Variants in FMN1 observed in about 807,000 individuals in gnomAD.
FMN1 encodes the protein formin-1.
FMN1 carries 110 observed loss-of-function variants against 132.4 expected under a neutral mutation model. That is an observed-to-expected ratio of 0.83 (90% CI 0.71 to 0.97). FMN1 has a LOEUF of 0.97. Among genes scored for constraint, FMN1 ranks in the 50% least tolerant of loss-of-function variants. FMN1 has a pLI of 0.00. For synonymous variants in FMN1, 722 were observed against 651.7 expected, an observed-to-expected ratio of 1.11 and a Z score of -1.64; for missense variants, 1,792 against 1,705.3, an observed-to-expected ratio of 1.05 and a Z score of -0.90.
intron 2 of FMN1, among the ~76,000 whole-genome samples, chr15:33,190,986 C>T (rs550722316): frequency 5.1e-4 from 77 of 152,210 alleles, no homozygotes; most frequent in African/African-American, 1.6e-3. Flanking sequence ...CTGGCTAACA[C>T]GGTGAAACCC....
intron 4 of FMN1, among the ~76,000 whole-genome samples, chr15:33,135,130 C>CT (rs1387798510): frequency 6.6e-6 from 1 of 152,126 alleles, no homozygotes; most frequent in African/African-American, 2.4e-5. Flanking sequence ...CAAAGCCCCG[C>CT]TTTTTTTGGT....
chr15:32,992,069 T>C (rs1340885116), intron 7 of FMN1, among the ~76,000 whole-genome samples: 2 of 152,152 alleles, frequency 1.3e-5, no homozygotes, highest in South Asian at 2.1e-4. Context: ...AAAACAACAT[T>C]GGATTTGATT....
chr15:33,178,473 TAG>T (rs1965590362), intron 3 of FMN1, among the ~76,000 whole-genome samples: 2 of 152,228 alleles, frequency 1.3e-5, no homozygotes, highest in Non-Finnish European at 2.9e-5. Context: ...CTACCTCTGT[TAG>T]ATTGTTTTGT....
intron 8 of FMN1, among the ~76,000 whole-genome samples, chr15:32,965,986 C>CG (rs1406615530): frequency 6.6e-6 from 1 of 151,864 alleles, no homozygotes; most frequent in Non-Finnish European, 1.5e-5. Flanking sequence ...CTGGGGGAGA[C>CG]GGGGGAGAAG....
chr15:33,006,997 T>TA (rs1269684771), intron 7 of FMN1, among the ~76,000 whole-genome samples: 4 of 152,150 alleles, frequency 2.6e-5, no homozygotes, highest in Non-Finnish European at 5.9e-5. Flanking sequence ...ACATGGTGAC[T>TA]ATAGTTCATA....
chr15:32,791,434 G>A (rs2057073809), intron 19 of FMN1, among the ~76,000 whole-genome samples: 1 of 151,704 alleles, frequency 6.6e-6, no homozygotes. Context: ...TACCATCCAT[G>A]GCTAATTATC....
chr15:32,901,606 C>T (rs914089667), intron 13 of FMN1, among the ~76,000 whole-genome samples: 1 of 152,084 alleles, frequency 6.6e-6, no homozygotes, highest in Admixed American at 6.5e-5. Context: ...AGAAACAGAC[C>T]ATGCTATTTA....
intron 4 of FMN1, among the ~76,000 whole-genome samples, chr15:33,135,587 A>C (rs1218553021): frequency 6.6e-6 from 1 of 152,206 alleles, no homozygotes; most frequent in East Asian, 1.9e-4. Flanking sequence ...CAGTTCCCTC[A>C]GGAACAAGGA....
intron 9 of FMN1, among the ~76,000 whole-genome samples, chr15:32,928,870 A>G (rs187798702): frequency 6.0e-4 from 91 of 152,332 alleles, no homozygotes; most frequent in African/African-American, 2.1e-3. Flanking sequence ...ACAAATGCAC[A>G]TTTCTCTGTT....
intron 3 of FMN1, among the ~76,000 whole-genome samples, chr15:33,162,110 C>T (rs1319385855): frequency 6.6e-6 from 1 of 152,018 alleles, no homozygotes; most frequent in Non-Finnish European, 1.5e-5. Context: ...CTTCTGGGCC[C>T]AGGCAATTCT....
intron 17 of FMN1, among the ~76,000 whole-genome samples, chr15:32,849,181 CG>C (rs2058942715): frequency 6.7e-6 from 1 of 148,472 alleles, no homozygotes; most frequent in Admixed American, 6.7e-5. Flanking sequence ...TTAGTAGACA[CG>C]GGGTTTCATC....
intron 7 of FMN1, among the ~76,000 whole-genome samples, chr15:32,992,231 A>C (rs1468906000): frequency 6.6e-6 from 1 of 152,184 alleles, no homozygotes; most frequent in Non-Finnish European, 1.5e-5. Flanking sequence ...CCACTTTTCT[A>C]GAACGTTGGA....
intron 16 of FMN1, among the ~76,000 whole-genome samples, chr15:32,867,039 T>C (rs758048161): frequency 2.0e-5 from 3 of 152,180 alleles, no homozygotes; most frequent in Non-Finnish European, 4.4e-5. Context: ...TCAGTAACCA[T>C]ATCTGGGATG....
intron 4 of FMN1, among the ~76,000 whole-genome samples, chr15:33,113,454 T>G (rs1424667217): frequency 6.6e-6 from 1 of 152,174 alleles, no homozygotes; most frequent in Admixed American, 6.5e-5. Context: ...ACTGTTTATG[T>G]AACATAGATG....
chr15:33,125,602 G>A (rs1253631116), intron 4 of FMN1, among the ~76,000 whole-genome samples: 3 of 152,102 alleles, frequency 2.0e-5, no homozygotes, highest in African/African-American at 7.2e-5. Context: ...CACTTCGGAA[G>A]GCCAAGGCGG....
intron 16 of FMN1, among the ~76,000 whole-genome samples, chr15:32,879,845 A>T (rs936616216): frequency 7.2e-6 from 1 of 139,738 alleles, no homozygotes; most frequent in Non-Finnish European, 1.5e-5. Context: ...GCTTTGTTTC[A>T]TTGTGGGATT....
intron 4 of FMN1, among the ~76,000 whole-genome samples, chr15:33,131,563 GTAA>G (rs1963549477): frequency 6.6e-6 from 1 of 152,246 alleles, no homozygotes; most frequent in South Asian, 2.1e-4. Flanking sequence ...AACTGTGAAC[GTAA>G]TAATATGCAA....
intron 3 of FMN1, among the ~76,000 whole-genome samples, chr15:33,161,028 C>T (rs1488028132): frequency 6.6e-6 from 1 of 152,194 alleles, no homozygotes; most frequent in Non-Finnish European, 1.5e-5. Context: ...AATTAGTTGT[C>T]GTCATTCTGT....
At chr15:32,958,597 A>C (rs75703868) in intron 9 of FMN1, among the ~76,000 whole-genome samples, 2,085 of 150,936 alleles carry the variant, frequency 0.014, 50 homozygotes, top group African/African-American at 0.048. Context: ...TACATGCTTA[A>C]ACAAGTGCCA....
Sources: allele counts gnomAD v4.1 joint callset (sites outside exome capture counted in the v4.1 genomes callset), GRCh38; gene constraint gnomAD v4.1.1; transcripts MANE v1.5; gene names NCBI Gene and HGNC (gene_info 2026-07-23, HGNC 2026-07-21).